RUBCNL: variants seen among roughly 807,000 people sequenced by gnomAD.
RUBCNL encodes the protein protein associated with UVRAG as autophagy enhancer.
A neutral mutation model predicts 69.5 loss-of-function variants in RUBCNL; 62 were observed. That is an observed-to-expected ratio of 0.89 (90% CI 0.73 to 1.10). The LOEUF (loss-of-function observed/expected upper bound fraction) is 1.10. Among genes scored for constraint, RUBCNL ranks in the 50% least tolerant of loss-of-function variants. The pLI, the probability that RUBCNL is intolerant of heterozygous loss-of-function variation, is 0.00. For missense variants in RUBCNL, 768 were observed against 798.1 expected (o/e 0.96, Z 0.45); for synonymous variants, 291 against 303.6 (o/e 0.96, Z 0.43).
At chr13:46,356,813 A>G (rs941992542) in intron 9 of RUBCNL, among the ~76,000 whole-genome samples, 38 of 151,624 alleles carry the variant, frequency 2.5e-4, no homozygotes, top group African/African-American at 7.7e-4. Context: ...AGCTCAAGCA[A>G]TCCTCAGCCT....
At chr13:46,371,619 C>T (rs1055768466) in intron 3 of RUBCNL, among the ~76,000 whole-genome samples, 2 of 152,236 alleles carry the variant, frequency 1.3e-5, no homozygotes, top group African/African-American at 4.8e-5. Flanking sequence ...AACCTCCACA[C>T]TGACTTGAGA....
chr13:46,382,470 CA>C (rs1254089106), intron 1 of RUBCNL, among the ~76,000 whole-genome samples: 1 of 152,008 alleles, frequency 6.6e-6, no homozygotes, highest in Non-Finnish European at 1.5e-5. Flanking sequence ...GTAAAGACAA[CA>C]GATGACCACT....
chr13:46,362,727 C>G (rs1402474104), intron 6 of RUBCNL, 129 bp from the exon 7 acceptor site: 2 of 642,508 alleles, frequency 3.1e-6, no homozygotes, highest in Non-Finnish European at 5.5e-6. Context: ...CATCTCCATG[C>G]TTCAGGTTCT....
chr13:46,384,591 T>C (rs962965604), intron 1 of RUBCNL, among the ~76,000 whole-genome samples: 2 of 152,320 alleles, frequency 1.3e-5, no homozygotes, highest in East Asian at 3.9e-4. Flanking sequence ...GAGGTCTAAT[T>C]TACATTTACT....
Position 46,343,336 on chromosome 13 carries a change from TG to T in RUBCNL, c.*48del. 2.5e-6 allele frequency: 4 copies of T among 1,591,692 alleles called. No homozygotes were observed. Among genetic ancestry groups the T allele is most frequent in the Non-Finnish European group, 3.4e-6 (4 of 1,166,886 alleles). Reference sequence around the variant, plus strand: ...GTCACCAATAATAGACACAAATCGGTGTTATCATAAGGCATGTTGAACAGTC... The same window carrying T: ...GTCACCAATAATAGACACAAATCGGTTTATCATAAGGCATGTTGAACAGTC... On this transcript the variant is annotated 3_prime_UTR_variant, in exon 15 of 15. Transcript: ENST00000429979.
chr13:46,369,011 C>CTAGGAGAG (rs1328130583), intron 3 of RUBCNL, among the ~76,000 whole-genome samples, 196 bp from the exon 4 acceptor site: 1 of 152,174 alleles, frequency 6.6e-6, no homozygotes, highest in Non-Finnish European at 1.5e-5. Context: ...ATGATCATTT[C>CTAGGAGAG]TAGGAGAGGC....
At position 46,335,237 on chromosome 13, in the gene RUBCNL, G is replaced by GGTT. The variant is rs2048096397; in HGVS notation, c.*8147_*8148insAAC. On this transcript the variant is annotated 3_prime_UTR_variant, in exon 15 of 15. Coordinates refer to ENST00000429979, the MANE Select transcript of RUBCNL (RefSeq NM_025113.5). ...ACACCATTGTGCCCAGCTAATTTGT[G>GGTT]TCTTTTTGTTGTTGTTGTTGTTGTT... Among the ~76,000 whole-genome samples, 1 of 117,466 alleles carries GGTT rather than the reference G, an allele frequency of 8.5e-6. No individual in the cohort carries two copies. The highest frequency in any genetic ancestry group is 1.8e-5 in the Non-Finnish European group (1 of 57,046). The allele number at this position is 117,466 out of a possible 152,430, so 77.1% of individuals were successfully genotyped here.
intron 14 of RUBCNL, among the ~76,000 whole-genome samples, 187 bp downstream of exon 14, chr13:46,344,551 CCTT>C (rs1409489924): frequency 6.6e-6 from 1 of 152,218 alleles, no homozygotes; most frequent in African/African-American, 2.4e-5. Flanking sequence ...AAATACTCCT[CCTT>C]CTGTGCCCAA....
At chr13:46,348,556 C>T (rs1052408305) in intron 12 of RUBCNL, among the ~76,000 whole-genome samples, 7 of 151,404 alleles carry the variant, frequency 4.6e-5, no homozygotes, top group Non-Finnish European at 8.8e-5. Context: ...TCATGAGGCA[C>T]GTCTTTCCTG....
At chr13:46,349,397 C>G in intron 11 of RUBCNL, 50 bp from the exon 12 acceptor site, 1 of 1,504,376 alleles carries the variant, frequency 6.6e-7, no homozygotes, top group East Asian at 2.3e-5. Flanking sequence ...ATAAATGACA[C>G]GGGAAAAGTG....
At position 46,362,559 on chromosome 13, in the gene RUBCNL, C is replaced by T. The variant is rs780914316; in HGVS notation, c.965G>A (p.Cys322Tyr). Residue 322 changes from cysteine to tyrosine, a missense_variant, in exon 7 of 15, where the codon TGT becomes TAT. Physicochemically the swap from Cys to Tyr is radical, Grantham distance 194. Transcript: ENST00000429979. ...DFNDITETCS[C>Y]SCSSSKSVTY... ...ATACCTCTTAGAGGAGCTGCAGGAA[C>T]AGCTACAGGTTTCTGTGATATCATT... 2 of 1,609,594 alleles carry T rather than the reference C, an allele frequency of 1.2e-6. No individual in the cohort carries two copies. The highest frequency in any genetic ancestry group is 1.7e-5 in the Admixed American group (1 of 59,532).
At position 46,335,097 on chromosome 13, in the gene RUBCNL, C is replaced by T. The variant is rs1380371423; in HGVS notation, c.*8288G>A. Among the ~76,000 whole-genome samples, 9 of 151,566 alleles carry T rather than the reference C, an allele frequency of 5.9e-5. No individual in the cohort carries two copies. The highest frequency in any genetic ancestry group is 1.3e-4 in the Non-Finnish European group (9 of 67,920). On this transcript the variant is annotated 3_prime_UTR_variant, in exon 15 of 15. Coordinates refer to ENST00000429979, the MANE Select transcript of RUBCNL (RefSeq NM_025113.5). ...TTTTTTTTTTTGAGATGGGGTCTCACTCTGTCACCCAGGCTGGAATGCAGT... is the reference window on the plus strand; with the variant it reads ...TTTTTTTTTTTGAGATGGGGTCTCATTCTGTCACCCAGGCTGGAATGCAGT...
At chr13:46,387,741 C>T (rs936264342), upstream of RUBCNL, 1 of 985,468 alleles carries the variant, frequency 1.0e-6, no homozygotes, top group Non-Finnish European at 1.2e-6. Context: ...GAGTCCGACT[C>T]ATGTAGCACT....
At position 46,346,157 on chromosome 13, in the gene RUBCNL, C is replaced by T. The variant is rs566367704; in HGVS notation, c.1632-557G>A. On this transcript the variant is annotated intron_variant, in intron 12 of 14. Coordinates refer to ENST00000429979, the MANE Select transcript of RUBCNL (RefSeq NM_025113.5). ...TTCAAAACTTCATCTTCTCCAAACC[C>T]GGCAGGTGTCGACCTGAATTCTCTC... 1.6e-4 allele frequency among the ~76,000 whole-genome samples: 25 copies of T among 152,282 alleles called. No homozygotes were observed. In the South Asian group the frequency reaches 2.9e-3, roughly 18 times the overall value.
In RUBCNL at chr13:46,336,169, C is replaced by T. The variant is rs546114826; in HGVS notation, c.*7216G>A. On this transcript the variant is annotated 3_prime_UTR_variant, in exon 15 of 15. Coordinates refer to ENST00000429979, the MANE Select transcript of RUBCNL (RefSeq NM_025113.5). ...CCATCCATCTGGTCTATCTGACAGCCGGCCCTGTTCTTTTTGGTTCACGTG... is the reference window on the plus strand; with the variant it reads ...CCATCCATCTGGTCTATCTGACAGCTGGCCCTGTTCTTTTTGGTTCACGTG... Among the ~76,000 whole-genome samples the T allele has an allele frequency of 2.3e-4, 35 of 152,212 alleles. 2 individuals are homozygous for T. Among genetic ancestry groups the T allele is most frequent in the East Asian group, 7.7e-4 (4 of 5,182 alleles).
rs1020778790 is a variant in RUBCNL, at chr13:46,340,585, T to C, written c.*2800A>G. Among the ~76,000 whole-genome samples the C allele has an allele frequency of 4.8e-4, 73 of 152,302 alleles. No individual in the cohort carries two copies. Among genetic ancestry groups the C allele is most frequent in the African/African-American group, 1.7e-3 (71 of 41,562 alleles). Reference sequence around the variant, plus strand: ...GTTGCTATAAAGGAATACCTGAGGCTGGGTGATTTATAAAGAAAAGAGGTT... The same window carrying C: ...GTTGCTATAAAGGAATACCTGAGGCCGGGTGATTTATAAAGAAAAGAGGTT... On this transcript the variant is annotated 3_prime_UTR_variant, in exon 15 of 15. Coordinates refer to ENST00000429979, the MANE Select transcript of RUBCNL (RefSeq NM_025113.5).
chr13:46,353,027 C>G (rs1204096677), intron 10 of RUBCNL, among the ~76,000 whole-genome samples: 1 of 152,274 alleles, frequency 6.6e-6, no homozygotes, highest in East Asian at 1.9e-4. Context: ...GCCACACGAA[C>G]AGTATGTAGG....
intron 1 of RUBCNL, among the ~76,000 whole-genome samples, chr13:46,386,140 G>A (rs2049238277): frequency 6.6e-6 from 1 of 152,082 alleles, no homozygotes; most frequent in Non-Finnish European, 1.5e-5. Context: ...ATACTTTATA[G>A]GCTTCAAAAC....
chr13:46,341,154 C>T lies in RUBCNL; in HGVS notation c.*2231G>A, dbSNP rs2048139040. ...GAGAATCATGACTGTAAATGACACA[C>T]TACTGGAATTGCCCATGTGAAGAGT... is the stretch of plus-strand genomic sequence containing the variant. On this transcript the variant is annotated 3_prime_UTR_variant, in exon 15 of 15. Transcript: ENST00000429979. Among the ~76,000 whole-genome samples, 1 of 152,214 alleles carries T rather than the reference C, an allele frequency of 6.6e-6. No individual in the cohort carries two copies. The highest frequency in any genetic ancestry group is 6.5e-5 in the Admixed American group (1 of 15,290).
Sources: gnomAD v4.1 joint callset for allele counts (sites outside exome capture counted in the v4.1 genomes callset) on GRCh38, gnomAD v4.1.1 for gene constraint, MANE v1.5 for transcripts, NCBI Gene and HGNC (gene_info 2026-07-23, HGNC 2026-07-21) for gene names.